Variants in LY9 observed in about 807,000 individuals in gnomAD.
The protein encoded by LY9 is lymphocyte antigen 9.
In LY9, 59 loss-of-function variants were observed where a neutral mutation model predicts 64.6. The ratio of observed to expected loss-of-function variants is 0.91; its 90% CI spans 0.74 to 1.13. The LOEUF is 1.13. LY9 is among the 50% of genes most tolerant of loss of function. LY9 has a pLI of 0.00. For missense variants in LY9, 789 were observed against 797.2 expected (o/e 0.99, Z 0.12); for synonymous variants, 281 against 308.5 (o/e 0.91, Z 0.93).
rs1557806416 is a variant in LY9, at chr1:160,814,549, C to G, written c.860C>G (p.Ser287Cys). The change falls in exon 4 of 10, where the codon TCC becomes TGC. Residue 287 changes from serine (S) to cysteine (C), a missense_variant. By Grantham distance (112) the Ser-to-Cys change is moderately radical. Transcript: ENST00000263285. ...TEKVVWLFNTSIISKEREEAA... is the reference protein window; with the variant it reads ...TEKVVWLFNTCIISKEREEAA... ...AAGGTTGTCTGGTTGTTTAACACAT[C>G]CATCATTAGCAAAGAGAGGGAAGAA... The G allele has an allele frequency of 5.0e-6, 8 of 1,614,166 alleles. No individual in the cohort carries two copies. Among genetic ancestry groups the G allele is most frequent in the Non-Finnish European group, 6.8e-6 (8 of 1,180,030 alleles).
Position 160,816,630 on chromosome 1 carries a change from G to A in LY9, c.1109G>A (p.Arg370Lys), listed in dbSNP as rs1228796339. 6.2e-7 allele frequency: 1 copy of A among 1,612,680 alleles called. No individual in the cohort carries two copies. The highest frequency in any genetic ancestry group is 1.7e-5 in the Admixed American group (1 of 59,752). The change falls in exon 5 of 10, where the codon AGG (arginine) becomes AAG (lysine). Residue 370 changes from arginine to lysine, a missense_variant. Arg to Lys is a conservative substitution (Grantham distance 26). Coordinates refer to ENST00000263285, the MANE Select transcript of LY9 (RefSeq NM_002348.4). ...AAGCCCAAAATCACGTGGAGCCTCA[G>A]GCACAGTGAGGATGGCATCTGCAGG... ...LRKPKITWSL[R>K]HSEDGICRIS...
chr1:160,818,529 G>A (rs1668134059), intron 6 of LY9, among the ~76,000 whole-genome samples: 1 of 152,130 alleles, frequency 6.6e-6, no homozygotes, highest in Non-Finnish European at 1.5e-5. Flanking sequence ...AAAAAAAAAG[G>A]CATGTGGGAG....
intron 5 of LY9, among the ~76,000 whole-genome samples, 172 bp downstream of exon 5, chr1:160,817,035 G>A (rs1397287292): frequency 6.6e-6 from 1 of 152,116 alleles, no homozygotes; most frequent in Middle Eastern, 3.2e-3. Context: ...TGTTCTAATA[G>A]CCACGTTAGA....
At chr1:160,825,242 A>T (rs1173705788) in intron 9 of LY9, among the ~76,000 whole-genome samples, 1 of 151,972 alleles carries the variant, frequency 6.6e-6, no homozygotes, top group Non-Finnish European at 1.5e-5. Flanking sequence ...GGTAGAATTT[A>T]TCATTAAATA....
At position 160,797,233 on chromosome 1, in the gene LY9, C is replaced by T. The variant is rs78725795; in HGVS notation, c.124+922C>T. ...TGGGACTGTGGCAGCTACTGTCCTT[C>T]TGTGCTCCCGCTTTCTCCAGGGCTT... On this transcript the variant is annotated intron_variant, in intron 1 of 9. Coordinates refer to ENST00000263285, the MANE Select transcript of LY9 (RefSeq NM_002348.4). 1.6e-3 allele frequency: 1,562 copies of T among 985,580 alleles called. 15 individuals are homozygous for T. In the African/African-American group the frequency reaches 0.024, roughly 15 times the overall value. 61.1% of individuals were successfully genotyped at this position (985,580 alleles called of 1,614,324 possible).
rs768441297 is a variant in LY9 at position 160,801,908 on chromosome 1, G to C, written c.454+1826G>C. ...TGGCTGAGCCACGTGTGAGCGTGCG[G>C]GAGGGCTAGGCCCTCGCCCCCACCT... is the stretch of plus-strand genomic sequence containing the variant. On this transcript the variant is annotated intron_variant, in intron 2 of 9. Transcript: ENST00000263285. The C allele has an allele frequency of 1.9e-6, 3 of 1,613,416 alleles. No homozygotes were observed. In the Admixed American group the frequency reaches 5.0e-5, roughly 27 times the overall value.
chr1:160,823,068 C>T (rs1310054637), intron 7 of LY9, among the ~76,000 whole-genome samples: 1 of 152,144 alleles, frequency 6.6e-6, no homozygotes, highest in African/African-American at 2.4e-5. Flanking sequence ...CCATAGGATA[C>T]TTGGCAAAGC....
chr1:160,824,328 C>T (rs1668721445), intron 9 of LY9, 79 bp downstream of exon 9: 43 of 1,584,284 alleles, frequency 2.7e-5, no homozygotes, highest in African/African-American at 4.1e-5. Flanking sequence ...ACTGAAAATC[C>T]GAGATTCCCA....
At chr1:160,800,357 C>T in intron 2 of LY9, 1 of 348,482 alleles carries the variant, frequency 2.9e-6, no homozygotes, top group Non-Finnish European at 5.2e-6. Context: ...TCCCCACACT[C>T]ACCCTTCTCA....
chr1:160,799,885 C>T lies in LY9; in HGVS notation c.257C>T (p.Ala86Val), dbSNP rs758622526. The change falls in exon 2 of 10, where the codon GCT becomes GTT. Residue 86 changes from alanine to valine, a missense_variant. Ala to Val is a moderately conservative substitution (Grantham distance 64, BLOSUM62 0). Transcript: ENST00000263285. ...ENVIWIGPKN[A>V]LAFARPKENV... ...GTCATCTGGATTGGTCCCAAAAATG[C>T]TCTTGCTTTCGCACGTCCCAAAGAA... 3 of 1,614,194 alleles carry T rather than the reference C, an allele frequency of 1.9e-6. No individual in the cohort carries two copies. Among genetic ancestry groups the T allele is most frequent in the Admixed American group, 3.3e-5 (2 of 60,026 alleles).
intron 3 of LY9, 119 bp downstream of exon 3, chr1:160,814,030 C>A: frequency 9.4e-7 from 1 of 1,069,238 alleles, no homozygotes; most frequent in East Asian, 2.4e-5. Context: ...AGGACAGGCC[C>A]CAAAACCCCT....
chr1:160,799,824 C>T lies in LY9; in HGVS notation c.196C>T (p.Pro66Ser), dbSNP rs1323768433. The T allele has an allele frequency of 1.9e-6, 3 of 1,613,994 alleles. No individual in the cohort carries two copies. Among genetic ancestry groups the T allele is most frequent in the Non-Finnish European group, 2.5e-6 (3 of 1,179,982 alleles). ...SGILGGSVTL[P>S]LNISVDTEIE... Reference sequence around the variant, plus strand: ...GATCCTAGGGGGTTCCGTGACTCTCCCCCTAAACATCTCAGTAGACACAGA... The same window carrying T: ...GATCCTAGGGGGTTCCGTGACTCTCTCCCTAAACATCTCAGTAGACACAGA... Residue 66 changes from proline (P) to serine (S), a missense_variant, in exon 2 of 10, where the codon CCC becomes TCC. Transcript: ENST00000263285.
rs949884031 is a variant in LY9 at position 160,811,247 on chromosome 1, G to C, written c.455-2389G>C. On this transcript the variant is annotated intron_variant, in intron 2 of 9. Coordinates refer to ENST00000263285, the MANE Select transcript of LY9 (RefSeq NM_002348.4). ...ATATTTGCAGCTGTACAGCTGTATTGACTTATTTCATAAAATCCCAGAAGC... is the reference window on the plus strand; with the variant it reads ...ATATTTGCAGCTGTACAGCTGTATTCACTTATTTCATAAAATCCCAGAAGC... 11 of 152,228 alleles carry C rather than the reference G, an allele frequency of 7.2e-5. No homozygotes were observed. In the South Asian group the frequency reaches 8.3e-4, roughly 11 times the overall value. The allele number at this position is 152,228 out of a possible 1,614,324, so 9.4% of individuals were successfully genotyped here.
intron 2 of LY9, among the ~76,000 whole-genome samples, chr1:160,803,304 A>AAT (rs1666686878): frequency 6.6e-6 from 1 of 152,076 alleles, no homozygotes; most frequent in African/African-American, 2.4e-5. Context: ...TTTTTTTTAA[A>AAT]AAGTATTGTT....
In LY9 at chr1:160,799,982, C is replaced by G; in HGVS notation, c.354C>G (p.Ile118Met). ...CCAAGTGGAGTTACTCCCTGTGCATCAGCAATCTGACTCTGAATGATGCAG... is the reference window on the plus strand; with the variant it reads ...CCAAGTGGAGTTACTCCCTGTGCATGAGCAATCTGACTCTGAATGATGCAG... ...DITKWSYSLC[I>M]SNLTLNDAGS... Residue 118 changes from isoleucine (I) to methionine (M), a missense_variant, in exon 2 of 10, where the codon ATC becomes ATG. Transcript: ENST00000263285. 1 of 1,614,154 alleles carries G rather than the reference C, an allele frequency of 6.2e-7. No individual in the cohort carries two copies. Among genetic ancestry groups the G allele is most frequent in the Non-Finnish European group, 8.5e-7 (1 of 1,179,998 alleles).
At chr1:160,797,121 G>T (rs1665960353) in intron 1 of LY9, 1 of 985,532 alleles carries the variant, frequency 1.0e-6, no homozygotes, top group Non-Finnish European at 1.2e-6. Context: ...CCCAACTCCT[G>T]GGAAACATCT....
chr1:160,826,461 G>A (rs1017631035), intron 9 of LY9, among the ~76,000 whole-genome samples: 29 of 152,210 alleles, frequency 1.9e-4, no homozygotes, highest in Non-Finnish European at 4.4e-5. Context: ...GCGTGTAGGA[G>A]TTATTTATAT....
chr1:160,802,163 G>A, intron 2 of LY9: 1 of 1,276,686 alleles, frequency 7.8e-7, no homozygotes, highest in South Asian at 2.2e-5. Flanking sequence ...CGCAGGAACC[G>A]GGCTGGGCCT....
At chr1:160,817,676 A>G (rs1333251850) in intron 5 of LY9, among the ~76,000 whole-genome samples, 1 of 152,164 alleles carries the variant, frequency 6.6e-6, no homozygotes, top group African/African-American at 2.4e-5. Context: ...TCCCCTTTAT[A>G]TGGATAAAGA....
Sources: allele counts gnomAD v4.1 joint callset (sites outside exome capture counted in the v4.1 genomes callset), GRCh38; gene constraint gnomAD v4.1.1; transcripts MANE v1.5; gene names NCBI Gene and HGNC (gene_info 2026-07-23, HGNC 2026-07-21).